Variants in UBE3A observed in about 807,000 individuals in gnomAD.
UBE3A encodes ubiquitin-protein ligase E3A.
A neutral mutation model predicts 83.4 loss-of-function variants in UBE3A; 6 were observed. The ratio of observed to expected loss-of-function variants is 0.07; its 90% CI spans 0.04 to 0.14. The LOEUF (loss-of-function observed/expected upper bound fraction) is 0.14. UBE3A is among the 10% of genes least tolerant of loss of function. The pLI, the probability that UBE3A is intolerant of heterozygous loss-of-function variation, is 1.00. For missense variants in UBE3A, 456 were observed against 1,036.1 expected (o/e 0.44, Z 7.69); for synonymous variants, 337 against 355.4 (o/e 0.95, Z 0.58).
At chr15:25,377,874 A>G (rs1453428714) in intron 4 of UBE3A, among the ~76,000 whole-genome samples, 2 of 152,026 alleles carry the variant, frequency 1.3e-5, no homozygotes, top group Non-Finnish European at 2.9e-5. Context: ...TCTTCCTGAT[A>G]TATCACTAAC....
rs1174040773 is a variant in UBE3A at position 25,375,264 on chromosome 15, C to CA, written c.361+200dup. The CA allele has an allele frequency of 4.9e-6, 3 of 609,742 alleles. No homozygotes were observed. The African/African-American group carries it at 5.6e-5, about 11-fold the overall frequency. 37.8% of individuals were successfully genotyped at this position (609,742 alleles called of 1,614,324 possible). ...AATCTATTAACAAATGAACTTTTGG[C>CA]ATATGATCTGCTTCTAATTAGCAAT... On this transcript the variant is annotated intron_variant, in intron 5 of 12. Coordinates refer to ENST00000648336, the MANE Select transcript of UBE3A (RefSeq NM_130839.5).
chr15:25,437,764 A>T (rs1567221444), intron 1 of UBE3A, among the ~76,000 whole-genome samples: 1 of 152,158 alleles, frequency 6.6e-6, no homozygotes, highest in Non-Finnish European at 1.5e-5. Flanking sequence ...GGACTAAGGC[A>T]TTTGGTACAT....
intron 4 of UBE3A, among the ~76,000 whole-genome samples, chr15:25,385,106 TG>T (rs925982041): frequency 2.2e-4 from 34 of 152,092 alleles, no homozygotes; most frequent in Non-Finnish European, 7.4e-5. Context: ...ATAGACAAAC[TG>T]GGGATACATA....
At chr15:25,436,075 G>A (rs1000562794) in intron 1 of UBE3A, among the ~76,000 whole-genome samples, 1 of 151,988 alleles carries the variant, frequency 6.6e-6, no homozygotes, top group African/African-American at 2.4e-5. Context: ...TTAAAATTAG[G>A]GTCTAATTCC....
At chr15:25,406,422 T>C (rs2088559379) in intron 3 of UBE3A, among the ~76,000 whole-genome samples, 1 of 152,158 alleles carries the variant, frequency 6.6e-6, no homozygotes, top group Admixed American at 6.5e-5. Flanking sequence ...AAATTCTAAG[T>C]CACTAAAAAG....
rs890352184 is a variant in UBE3A, at chr15:25,337,526, C to T, written c.*1611G>A. On this transcript the variant is annotated 3_prime_UTR_variant, in exon 13 of 13. Coordinates refer to ENST00000648336, the MANE Select transcript of UBE3A (RefSeq NM_130839.5). ...CACAGTTTTATTTAGCATTATGGTACATAACAAACAGTTCTGTCTCAATTA... is the reference window on the plus strand; with the variant it reads ...CACAGTTTTATTTAGCATTATGGTATATAACAAACAGTTCTGTCTCAATTA... 4 of 152,024 alleles carry T rather than the reference C, an allele frequency of 2.6e-5. No homozygotes were observed. Among genetic ancestry groups the T allele is most frequent in the African/African-American group, 9.7e-5 (4 of 41,394 alleles). 9.4% of individuals were successfully genotyped at this position (152,024 alleles called of 1,614,324 possible). A position where few individuals can be genotyped will look rare whatever the true frequency, so the allele number is the denominator to read the frequency against.
chr15:25,371,916 A>G lies in UBE3A; in HGVS notation c.362-104T>C, dbSNP rs557008277. 15 of 1,121,092 alleles carry G rather than the reference A, an allele frequency of 1.3e-5. No individual in the cohort carries two copies. The African/African-American group carries it at 1.7e-4, about 13-fold the overall frequency. The allele number at this position is 1,121,092 out of a possible 1,614,324, so 69.4% of individuals were successfully genotyped here. A position where few individuals can be genotyped will look rare whatever the true frequency, so the allele number is the denominator to read the frequency against. On this transcript the variant is annotated intron_variant, in intron 5 of 12. Transcript: ENST00000648336. The surrounding 1 kb of genome is among the most constrained non-coding windows in gnomAD (Gnocchi z 5.3). ...AAAACAGCCAAACATTCTAGGCTCA[A>G]TATCATTTATGATATACAACTCTTA...
At chr15:25,403,784 A>C in intron 4 of UBE3A, among the ~76,000 whole-genome samples, 1 of 152,304 alleles carries the variant, frequency 6.6e-6, no homozygotes, top group East Asian at 1.9e-4. Flanking sequence ...AAAGGATGCA[A>C]ATTTTGAAAC....
intron 11 of UBE3A, among the ~76,000 whole-genome samples, chr15:25,352,497 T>C (rs931633518): frequency 1.8e-4 from 27 of 152,214 alleles, no homozygotes; most frequent in Non-Finnish European, 3.7e-4. Flanking sequence ...TGTAACAGCA[T>C]TGTCTAAAAA....
At chr15:25,349,289 A>C (rs2076159610) in intron 11 of UBE3A, among the ~76,000 whole-genome samples, 1 of 152,238 alleles carries the variant, frequency 6.6e-6, no homozygotes, top group Admixed American at 6.5e-5. Flanking sequence ...ACAGATTTAC[A>C]CATAAAAGTT....
At chr15:25,347,293 C>T (rs1274910823) in intron 11 of UBE3A, 3 of 152,118 alleles carry the variant, frequency 2.0e-5, no homozygotes, top group Non-Finnish European at 2.9e-5. Flanking sequence ...AGAGACCCAA[C>T]TGAAATTAAG....
chr15:25,430,347 A>G (rs1250597146), intron 1 of UBE3A, among the ~76,000 whole-genome samples: 2 of 127,922 alleles, frequency 1.6e-5, no homozygotes, highest in Non-Finnish European at 3.2e-5. Flanking sequence ...ACATATATAT[A>G]AGATAAATAC....
At chr15:25,355,741 T>C (rs1418069087) in intron 9 of UBE3A, 151 bp downstream of exon 9, 1 of 790,816 alleles carries the variant, frequency 1.3e-6, no homozygotes, top group Non-Finnish European at 2.0e-6. Flanking sequence ...ATATCCAAGA[T>C]TTAGAAAAGT....
intron 4 of UBE3A, among the ~76,000 whole-genome samples, chr15:25,390,544 CT>C (rs761372371): frequency 1.3e-5 from 2 of 152,034 alleles, no homozygotes; most frequent in Admixed American, 6.6e-5. Context: ...GGGCTATATA[CT>C]GTATGATTAC....
At chr15:25,368,945 A>G (rs973516667) in intron 6 of UBE3A, among the ~76,000 whole-genome samples, 4 of 152,130 alleles carry the variant, frequency 2.6e-5, no homozygotes, top group African/African-American at 9.7e-5. Context: ...ATTGCCTTTT[A>G]AAGGCTAGAC....
intron 12 of UBE3A, chr15:25,339,462 A>C (rs1435960503): frequency 1.9e-6 from 1 of 527,332 alleles, no homozygotes; most frequent in African/African-American, 1.9e-5. Flanking sequence ...GACGATGATA[A>C]GATACTGTAT....
In UBE3A at chr15:25,375,827, A is replaced by G. The variant is rs190470959; in HGVS notation, c.63-64T>C. ...ACAGCTCTCAAGTACAAAGCTCAAC[A>G]TATCATCAAGGCAAAAGTTAGTCAA... On this transcript the variant is annotated intron_variant, in intron 4 of 12. Transcript: ENST00000648336. The G allele has an allele frequency of 1.5e-5, 24 of 1,586,296 alleles. No homozygotes were observed. The African/African-American group carries it at 2.3e-4, about 15-fold the overall frequency.
chr15:25,366,104 T>C (rs1015791054), intron 6 of UBE3A, among the ~76,000 whole-genome samples: 1 of 152,196 alleles, frequency 6.6e-6, no homozygotes, highest in Non-Finnish European at 1.5e-5. Flanking sequence ...GATCTATGTA[T>C]ATATAGGCTT....
chr15:25,340,412 TAA>T (rs2074546847), intron 11 of UBE3A, among the ~76,000 whole-genome samples, 184 bp from the exon 12 acceptor site: 1 of 152,186 alleles, frequency 6.6e-6, no homozygotes. Flanking sequence ...TCTGAATACG[TAA>T]AAATTTAGAT....
Sources: allele counts gnomAD v4.1 joint callset (sites outside exome capture counted in the v4.1 genomes callset), GRCh38; gene constraint gnomAD v4.1.1; non-coding constraint Gnocchi (gnomAD v3.1); transcripts MANE v1.5; gene names NCBI Gene and HGNC (gene_info 2026-07-23, HGNC 2026-07-21).